GNE: variants seen among roughly 807,000 people sequenced by gnomAD.
GNE encodes bifunctional UDP-N-acetylglucosamine 2-epimerase/N-acetylmannosamine kinase.
GNE carries 41 observed loss-of-function variants against 61.8 expected under a neutral mutation model. That is an observed-to-expected ratio of 0.66 (90% CI 0.52 to 0.86). The LOEUF (loss-of-function observed/expected upper bound fraction) is 0.86, where lower values mean the gene tolerates loss of function less well. Among genes scored for constraint, GNE ranks in the 40% least tolerant of loss-of-function variants. The pLI is 0.00. For synonymous variants in GNE, 264 were observed against 326.4 expected (o/e 0.81, Z 2.06); for missense variants, 608 against 909.1 (o/e 0.67, Z 4.26).
At position 36,258,441 on chromosome 9, in the gene GNE, G is replaced by T; in HGVS notation, c.-163C>A. ...CCTCGGTTTCCGCGCTCGGGCGCGC[G>T]GGTAGACGACTCGTCGCTCGACCTT... On this transcript the variant is annotated 5_prime_UTR_variant, in exon 1 of 12. Transcript: ENST00000642385. The T allele has an allele frequency of 1.0e-6, 1 of 985,538 alleles. No homozygotes were observed. The highest frequency in any genetic ancestry group is 1.2e-6 in the Non-Finnish European group (1 of 829,994). The allele number at this position is 985,538 out of a possible 1,614,324, so 61.0% of individuals were successfully genotyped here.
At position 36,246,026 on chromosome 9, in the gene GNE, C is replaced by T. The variant is rs150714953; in HGVS notation, c.616+5G>A. On this transcript the variant is annotated splice_donor_5th_base_variant and intron_variant, in intron 3 of 11. Transcript: ENST00000642385. ...ATTAGACTGACTAAAGTCTGAGATA[C>T]GTACCTAGCCACATGCGAATGATGC... is the stretch of plus-strand genomic sequence containing the variant. The T allele has an allele frequency of 3.7e-5, 59 of 1,609,516 alleles. No homozygotes were observed. In the African/African-American group the frequency reaches 4.4e-4, roughly 12 times the overall value.
chr9:36,256,997 T>C (rs999033738), intron 1 of GNE, among the ~76,000 whole-genome samples: 1 of 151,874 alleles, frequency 6.6e-6, no homozygotes, highest in Non-Finnish European at 1.5e-5. Flanking sequence ...ACTTGATGTC[T>C]GTTCAAGTCC....
chr9:36,251,844 C>T (rs543269535), intron 1 of GNE, among the ~76,000 whole-genome samples: 1 of 152,230 alleles, frequency 6.6e-6, no homozygotes, highest in East Asian at 1.9e-4. Context: ...TGTGACCATG[C>T]AAACGGTCCC....
chr9:36,227,487 A>G (rs374820812), intron 6 of GNE, 29 bp from the exon 7 acceptor site: 3 of 1,349,238 alleles, frequency 2.2e-6, no homozygotes, highest in South Asian at 1.2e-5. Context: ...CAATTAAATT[A>G]TATGCTTCTG....
intron 6 of GNE, among the ~76,000 whole-genome samples, chr9:36,228,072 GAAATA>G (rs899884114): frequency 7.0e-5 from 9 of 128,696 alleles, no homozygotes; most frequent in Admixed American, 1.5e-4. Context: ...TAACAAAAAA[GAAATA>G]AAATAACATC....
intron 3 of GNE, among the ~76,000 whole-genome samples, chr9:36,242,287 CAAA>C (rs201582112): frequency 1.4e-5 from 2 of 145,310 alleles, no homozygotes; most frequent in African/African-American, 2.5e-5. Context: ...GTTTAAAGAC[CAAA>C]AAAAAAAAAA....
intron 1 of GNE, among the ~76,000 whole-genome samples, chr9:36,272,234 C>T (rs1831054551): frequency 6.6e-6 from 1 of 152,172 alleles, no homozygotes; most frequent in African/African-American, 2.4e-5. Flanking sequence ...AAGGGCCTTG[C>T]ATGATGTTAT....
chr9:36,274,674 T>C (rs953353013), intron 1 of GNE, among the ~76,000 whole-genome samples: 1 of 152,190 alleles, frequency 6.6e-6, no homozygotes, highest in Non-Finnish European at 1.5e-5. Flanking sequence ...TATCTCATTT[T>C]AGTGTATCTC....
chr9:36,254,114 A>T (rs1830230387), intron 1 of GNE, among the ~76,000 whole-genome samples: 1 of 152,176 alleles, frequency 6.6e-6, no homozygotes, highest in South Asian at 2.1e-4. Context: ...CTGAGGCACA[A>T]GAATCGCTTG....
At chr9:36,246,792 C>T (rs1383747520) in intron 2 of GNE, among the ~76,000 whole-genome samples, 1 of 151,328 alleles carries the variant, frequency 6.6e-6, no homozygotes, top group Non-Finnish European at 1.5e-5. Flanking sequence ...CCTCAGCCTC[C>T]TGCGTAGCTG....
intron 3 of GNE, among the ~76,000 whole-genome samples, chr9:36,240,980 G>A (rs1829607577): frequency 6.6e-6 from 1 of 152,132 alleles, no homozygotes; most frequent in Admixed American, 6.6e-5. Flanking sequence ...TTGTATTTCA[G>A]TAGTGTCAGT....
Position 36,217,362 on chromosome 9 carries a change from G to A in GNE, c.*3C>T. ...GAGAAGGTCCATGTCTGTTCCTGGAGGTCTAGTAGATCCTGCGTGTTGTGT... is the reference window on the plus strand; with the variant it reads ...GAGAAGGTCCATGTCTGTTCCTGGAAGTCTAGTAGATCCTGCGTGTTGTGT... On this transcript the variant is annotated 3_prime_UTR_variant, in exon 12 of 12. Coordinates refer to ENST00000642385, the MANE Select transcript of GNE (RefSeq NM_005476.7). 1.3e-6 allele frequency: 2 copies of A among 1,594,446 alleles called. No homozygotes were observed. Among genetic ancestry groups the A allele is most frequent in the Non-Finnish European group, 1.7e-6 (2 of 1,162,444 alleles).
At chr9:36,230,941 C>A (rs1379353895) in intron 5 of GNE, among the ~76,000 whole-genome samples, 4 of 151,708 alleles carry the variant, frequency 2.6e-5, no homozygotes, top group Non-Finnish European at 5.9e-5. Flanking sequence ...TCTTCAATAT[C>A]TTTTCTTCAT....
chr9:36,243,475 A>C (rs1210007218), intron 3 of GNE, among the ~76,000 whole-genome samples: 1 of 152,218 alleles, frequency 6.6e-6, no homozygotes, highest in Non-Finnish European at 1.5e-5. Flanking sequence ...GAGAGACTGA[A>C]GAGACAGAAG....
chr9:36,242,737 T>C (rs1829695560), intron 3 of GNE, among the ~76,000 whole-genome samples: 1 of 140,696 alleles, frequency 7.1e-6, no homozygotes, highest in Non-Finnish European at 1.5e-5. Context: ...TGCTTGTTTT[T>C]TTTTTTTTTT....
intron 1 of GNE, chr9:36,265,231 G>A (rs1830736222): frequency 2.7e-6 from 1 of 365,350 alleles, no homozygotes; most frequent in Non-Finnish European, 5.5e-6. Flanking sequence ...CATGACCCAC[G>A]TCTTCCAATA....
intron 6 of GNE, 79 bp from the exon 7 acceptor site, chr9:36,227,537 A>T: frequency 1.1e-6 from 1 of 893,202 alleles, no homozygotes; most frequent in Non-Finnish European, 1.9e-6. Context: ...AATGTAATGG[A>T]AACTGAGACT....
intron 9 of GNE, among the ~76,000 whole-genome samples, chr9:36,220,421 C>T (rs557435083): frequency 1.3e-5 from 2 of 152,278 alleles, no homozygotes; most frequent in East Asian, 1.9e-4. Flanking sequence ...AACCTGCAAC[C>T]GAGGCAAGGC....
At chr9:36,237,481 A>C (rs754562303) in intron 3 of GNE, among the ~76,000 whole-genome samples, 3 of 152,088 alleles carry the variant, frequency 2.0e-5, no homozygotes, top group Non-Finnish European at 2.9e-5. Context: ...CTGTTAAAGG[A>C]CTAGGAGAGT....
Sources: gnomAD v4.1 joint callset for allele counts (sites outside exome capture counted in the v4.1 genomes callset) on GRCh38, gnomAD v4.1.1 for gene constraint, MANE v1.5 for transcripts, NCBI Gene and HGNC (gene_info 2026-07-23, HGNC 2026-07-21) for gene names.